Variants in NOS1 observed in about 807,000 individuals in gnomAD.
The protein encoded by NOS1 is NOS type I.
Under a neutral mutation model 164.5 loss-of-function variants are expected in NOS1, and 51 were observed. The ratio of observed to expected loss-of-function variants is 0.31; its 90% CI spans 0.25 to 0.39. The LOEUF is 0.39. Ranked by LOEUF, NOS1 falls within the 10% of genes least tolerant of loss-of-function variation. The pLI is 1.00. For synonymous variants in NOS1, 719 were observed against 745.8 expected, an observed-to-expected ratio of 0.96 and a Z score of 0.59; for missense variants, 1,362 against 1,885.6, an observed-to-expected ratio of 0.72 and a Z score of 5.14.
At position 117,330,857 on chromosome 12, in the gene NOS1, G is replaced by C. The variant is rs772816512; in HGVS notation, c.213C>G (p.Pro71=). The C allele has an allele frequency of 6.2e-7, 1 of 1,614,138 alleles. No individual in the cohort carries two copies. Among genetic ancestry groups the C allele is most frequent in the Non-Finnish European group, 8.5e-7 (1 of 1,180,012 alleles). The part of the protein sequence containing the change: ...GDIILAVNGR[P]LVDLSYDSAL... ...CGCTGTCATAGCTCAGGTCCACCAA[G>C]GGCCGGCCGTTGACCGCAAGAATGA... is the stretch of plus-strand genomic sequence containing the variant. The change falls in exon 2 of 29, where the codon CCC becomes CCG. Residue 71 remains proline, a synonymous_variant. Transcript: ENST00000317775. This position sits in a 1 kb window ranked among gnomAD's most constrained non-coding sequence, Gnocchi z 4.6.
At chr12:117,312,910 C>G (rs577085962) in intron 2 of NOS1, among the ~76,000 whole-genome samples, 1 of 152,102 alleles carries the variant, frequency 6.6e-6, no homozygotes, top group African/African-American at 2.4e-5. Context: ...ATCACGACCA[C>G]TACCACAATC....
At chr12:117,353,775 G>GA (rs1555263000) in intron 1 of NOS1, among the ~76,000 whole-genome samples, 1 of 151,786 alleles carries the variant, frequency 6.6e-6, no homozygotes, top group Admixed American at 6.6e-5. Context: ...ACACCATATT[G>GA]TTTTTTTAAA....
chr12:117,287,978 T>C (rs769885002), intron 5 of NOS1, 96 bp downstream of exon 5: 26 of 1,408,312 alleles, frequency 1.8e-5, no homozygotes, highest in Non-Finnish European at 2.5e-5. Context: ...GCAGAGGCCT[T>C]GTGCCTTGGC....
At chr12:117,219,428 T>C (rs980193935) in intron 27 of NOS1, among the ~76,000 whole-genome samples, 1 of 152,078 alleles carries the variant, frequency 6.6e-6, no homozygotes, top group African/African-American at 2.4e-5. Flanking sequence ...TTCCTCAGCC[T>C]CCCAAGTAGC....
chr12:117,301,887 A>G, intron 3 of NOS1: 1 of 423,538 alleles, frequency 2.4e-6, no homozygotes, highest in Non-Finnish European at 4.8e-6. Context: ...AATTCGCAAT[A>G]TATTATTTAG....
chr12:117,229,466 G>GT (rs961965005), intron 22 of NOS1, among the ~76,000 whole-genome samples: 6 of 151,488 alleles, frequency 4.0e-5, no homozygotes, highest in African/African-American at 1.4e-4. Context: ...TCACACAGGT[G>GT]TTTCCCCTAA....
rs1045754410 is a variant in NOS1 at position 117,215,259 on chromosome 12, T to C, written c.*50A>G. 2.0e-6 allele frequency: 3 copies of C among 1,497,070 alleles called. No homozygotes were observed. Among genetic ancestry groups the C allele is most frequent in the Non-Finnish European group, 2.7e-6 (3 of 1,118,784 alleles). 92.7% of individuals were successfully genotyped at this position (1,497,070 alleles called of 1,614,324 possible). A position where few individuals can be genotyped will look rare whatever the true frequency, so the allele number is the denominator to read the frequency against. On this transcript the variant is annotated 3_prime_UTR_variant, in exon 29 of 29. Coordinates refer to ENST00000317775, the MANE Select transcript of NOS1 (RefSeq NM_000620.5). ...GGGTCCCAGAGGAAAGGTTCAGCAG[T>C]GTCTGTCCGCGCTTACAAAACTTGC...
At chr12:117,270,731 T>C (rs998136209) in intron 10 of NOS1, among the ~76,000 whole-genome samples, 1 of 152,036 alleles carries the variant, frequency 6.6e-6, no homozygotes, top group Non-Finnish European at 1.5e-5. Context: ...TGCTAGAAGT[T>C]TGCACACATT....
chr12:117,254,952 G>A (rs1173107373), intron 16 of NOS1, among the ~76,000 whole-genome samples: 1 of 152,148 alleles, frequency 6.6e-6, no homozygotes, highest in Non-Finnish European at 1.5e-5. Context: ...GTTCAGCACT[G>A]ACGCCTGGCA....
chr12:117,237,674 A>C (rs1869826660), intron 20 of NOS1, among the ~76,000 whole-genome samples: 1 of 128,154 alleles, frequency 7.8e-6, no homozygotes, highest in African/African-American at 2.8e-5. Flanking sequence ...CCAGCATTAA[A>C]TGGAAAAAAA....
chr12:117,247,379 G>T lies in NOS1; in HGVS notation c.2792C>A (p.Ala931Asp). 6.2e-7 allele frequency: 1 copy of T among 1,606,392 alleles called. No individual in the cohort carries two copies. Among genetic ancestry groups the T allele is most frequent in the Non-Finnish European group, 8.5e-7 (1 of 1,177,042 alleles). Reference sequence around the variant, plus strand: ...GACCTTCTTGGCCCAGGTCCTGAAAGCCTCTTCCTGCCCACAGAGCTCATC... The same window carrying T: ...GACCTTCTTGGCCCAGGTCCTGAAATCCTCTTCCTGCCCACAGAGCTCATC... ...EGDELCGQEE[A>D]FRTWAKKVFK... The change falls in exon 18 of 29, where the codon GCT (alanine) becomes GAT (aspartate). Residue 931 changes from alanine (A) to aspartate (D), a missense_variant. Physicochemically the swap from Ala to Asp is moderately radical, Grantham distance 126 (BLOSUM62 -2). This residue lies in a region of NOS1 where 737 missense variants were observed against 1,030.3 expected (regional missense o/e 0.72). Coordinates refer to ENST00000317775, the MANE Select transcript of NOS1 (RefSeq NM_000620.5).
chr12:117,238,498 C>G (rs1325131342), intron 20 of NOS1, among the ~76,000 whole-genome samples: 1 of 146,404 alleles, frequency 6.8e-6, no homozygotes, highest in African/African-American at 2.6e-5. Context: ...CAGCAGAGAG[C>G]TATTGTTTCT....
chr12:117,340,693 C>T (rs1252302008), intron 1 of NOS1, among the ~76,000 whole-genome samples: 1 of 150,164 alleles, frequency 6.7e-6, no homozygotes, highest in East Asian at 2.0e-4. Context: ...CCACTCCTGG[C>T]TAATTTTTGT....
intron 1 of NOS1, among the ~76,000 whole-genome samples, chr12:117,353,876 G>T (rs1482880914): frequency 2.6e-5 from 4 of 152,272 alleles, no homozygotes; most frequent in Admixed American, 2.6e-4. Flanking sequence ...GAGGCAGGAG[G>T]ATCATTTGAG....
intron 28 of NOS1, among the ~76,000 whole-genome samples, chr12:117,217,356 T>C (rs1445775501): frequency 6.6e-6 from 1 of 152,054 alleles, no homozygotes. Context: ...GCCCTAAATC[T>C]GATGCTAAAC....
intron 3 of NOS1, among the ~76,000 whole-genome samples, chr12:117,311,198 T>C (rs1874413765): frequency 1.3e-5 from 2 of 151,912 alleles, no homozygotes; most frequent in African/African-American, 4.8e-5. Context: ...AAATTTGGAA[T>C]CATGTGAATG....
chr12:117,287,110 G>A (rs1566059797), intron 5 of NOS1, among the ~76,000 whole-genome samples: 1 of 152,088 alleles, frequency 6.6e-6, no homozygotes, highest in East Asian at 1.9e-4. Flanking sequence ...AGCTACTCAG[G>A]AGGCTGAGGC....
At chr12:117,265,010 T>TA (rs528771683) in intron 12 of NOS1, among the ~76,000 whole-genome samples, 2,280 of 142,244 alleles carry the variant, frequency 0.016, 33 homozygotes, top group South Asian at 0.073. Flanking sequence ...GCCTGCTAAT[T>TA]AAAAAAAAAA....
chr12:117,247,593 G>A, intron 17 of NOS1, 71 bp from the exon 18 acceptor site: 1 of 1,355,628 alleles, frequency 7.4e-7, no homozygotes, highest in Non-Finnish European at 1.0e-6. Context: ...GGTGTAATGG[G>A]CTAAACTGTG....
Sources: allele counts gnomAD v4.1 joint callset (sites outside exome capture counted in the v4.1 genomes callset), GRCh38; gene constraint gnomAD v4.1.1; regional missense constraint gnomAD v4.1.1; non-coding constraint Gnocchi (gnomAD v3.1); transcripts MANE v1.5; gene names NCBI Gene and HGNC (gene_info 2026-07-23, HGNC 2026-07-21).